MPP7: variants seen among roughly 807,000 people sequenced by gnomAD.
MPP7 encodes the protein MAGUK p55 subfamily member 7.
A neutral mutation model predicts 76.5 loss-of-function variants in MPP7; 60 were observed. The observed-to-expected ratio is 0.78, with a 90% confidence interval of 0.64 to 0.97. The LOEUF is 0.97. Among genes scored for constraint, MPP7 ranks in the 50% least tolerant of loss-of-function variants. The pLI is 0.00. For missense variants in MPP7, 641 were observed against 694.0 expected (o/e 0.92, Z 0.86); for synonymous variants, 237 against 244.5 (o/e 0.97, Z 0.29).
chr10:28,280,472 CA>C (rs1840636671), intron 1 of MPP7, among the ~76,000 whole-genome samples: 1 of 152,020 alleles, frequency 6.6e-6, no homozygotes, highest in African/African-American at 2.4e-5. Flanking sequence ...AAGAACCATT[CA>C]TTTTTTTGTT....
chr10:28,103,116 C>T (rs1457614138), intron 11 of MPP7, among the ~76,000 whole-genome samples: 1 of 149,152 alleles, frequency 6.7e-6, no homozygotes, highest in African/African-American at 2.5e-5. Flanking sequence ...GTCTCAGGGC[C>T]TTTGCACATG....
intron 1 of MPP7, among the ~76,000 whole-genome samples, chr10:28,245,366 T>G (rs1839399149): frequency 6.6e-6 from 1 of 152,170 alleles, no homozygotes; most frequent in Admixed American, 6.5e-5. Flanking sequence ...CCCACTAGAT[T>G]CCTTGAGAAT....
chr10:28,248,932 T>C (rs12355501), intron 1 of MPP7, among the ~76,000 whole-genome samples: 3,017 of 152,084 alleles, frequency 0.02, 34 homozygotes, highest in Non-Finnish European at 0.03. Flanking sequence ...TCTCAGAACG[T>C]CTCCCTGTCG....
intron 5 of MPP7, among the ~76,000 whole-genome samples, chr10:28,142,308 C>A (rs1210182651): frequency 1.3e-5 from 2 of 152,120 alleles, no homozygotes; most frequent in Non-Finnish European, 2.9e-5. Context: ...AGGAAAAACA[C>A]AAAATTTTTA....
chr10:28,060,049 C>A (rs202189243), intron 13 of MPP7, among the ~76,000 whole-genome samples: 10 of 139,428 alleles, frequency 7.2e-5, no homozygotes, highest in Non-Finnish European at 8.9e-5. Flanking sequence ...AGGAAAAAAA[C>A]CTTTTTTTTT....
intron 13 of MPP7, among the ~76,000 whole-genome samples, chr10:28,068,364 T>G (rs568413178): frequency 1.3e-5 from 2 of 152,220 alleles, no homozygotes; most frequent in East Asian, 3.9e-4. Context: ...TAAAATAAAG[T>G]TGAACTCTTC....
At chr10:28,150,139 A>T (rs907570439) in intron 3 of MPP7, 80 bp from the exon 4 acceptor site, 1 of 972,888 alleles carries the variant, frequency 1.0e-6, no homozygotes, top group Non-Finnish European at 1.6e-6. Flanking sequence ...ACTTGAAAAG[A>T]GAATCTGAAT....
At chr10:28,193,472 A>G (rs751318176) in intron 3 of MPP7, among the ~76,000 whole-genome samples, 3 of 152,050 alleles carry the variant, frequency 2.0e-5, no homozygotes, top group African/African-American at 4.8e-5. Context: ...CGGCCTCCCA[A>G]AGTGCCGGGA....
intron 1 of MPP7, among the ~76,000 whole-genome samples, chr10:28,262,254 T>TAC (rs1480515071): frequency 1.5e-4 from 8 of 53,240 alleles, no homozygotes; most frequent in Non-Finnish European, 5.8e-5. Flanking sequence ...CATATATATA[T>TAC]ATATGTATAT....
chr10:28,120,374 A>G lies in MPP7; in HGVS notation c.707T>C (p.Leu236Pro). Residue 236 changes from leucine (L) to proline (P), a missense_variant, in exon 10 of 17, where the codon CTC becomes CCC. Coordinates refer to ENST00000683449, the MANE Select transcript of MPP7 (RefSeq NM_001318170.2). Reference protein sequence around the residue: ...SKEGKMFIKALFDYNPNEDKA... With the variant: ...SKEGKMFIKAPFDYNPNEDKA... ...ATCCTCATTAGGATTATAGTCAAAG[A>G]GGGCTTTGATAAACATCTGGAAGAA... The G allele has an allele frequency of 6.2e-7, 1 of 1,609,340 alleles. No homozygotes were observed. The highest frequency in any genetic ancestry group is 1.7e-5 in the Admixed American group (1 of 58,886).
chr10:28,066,673 CTCT>C, intron 13 of MPP7, among the ~76,000 whole-genome samples: 1 of 152,306 alleles, frequency 6.6e-6, no homozygotes, highest in South Asian at 2.1e-4. Context: ...CCAGAATCAC[CTCT>C]TGAGTTCCTG....
At chr10:28,251,361 C>T (rs1333137548) in intron 1 of MPP7, among the ~76,000 whole-genome samples, 1 of 151,996 alleles carries the variant, frequency 6.6e-6, no homozygotes, top group African/African-American at 2.4e-5. Flanking sequence ...ACTCGGGAGG[C>T]TGAGGCAGGA....
chr10:28,278,920 T>TA (rs1198103237), intron 1 of MPP7, among the ~76,000 whole-genome samples: 1 of 151,260 alleles, frequency 6.6e-6, no homozygotes. Context: ...TTACCCAAAT[T>TA]AAAAAAAGAA....
At chr10:28,088,449 TCTCA>T (rs1452102422) in intron 12 of MPP7, among the ~76,000 whole-genome samples, 2 of 152,126 alleles carry the variant, frequency 1.3e-5, no homozygotes, top group East Asian at 3.9e-4. Context: ...CCCCTGTCGC[TCTCA>T]CTCTCTCTCT....
intron 2 of MPP7, among the ~76,000 whole-genome samples, chr10:28,214,828 C>A (rs1195744392): frequency 1.3e-5 from 2 of 152,150 alleles, no homozygotes; most frequent in Non-Finnish European, 2.9e-5. Flanking sequence ...CCTTGCAGTA[C>A]TAACAAATTA....
intron 11 of MPP7, chr10:28,118,448 T>G: frequency 1.0e-6 from 1 of 985,030 alleles, no homozygotes; most frequent in Non-Finnish European, 1.2e-6. Flanking sequence ...CACATTATCT[T>G]ATCCCACATA....
intron 2 of MPP7, among the ~76,000 whole-genome samples, chr10:28,218,330 A>C (rs1838382652): frequency 6.6e-6 from 1 of 152,204 alleles, no homozygotes; most frequent in African/African-American, 2.4e-5. Context: ...TTCAGATTAA[A>C]GGATCAATAT....
intron 1 of MPP7, among the ~76,000 whole-genome samples, chr10:28,259,081 G>T (rs1279166858): frequency 6.6e-6 from 1 of 151,174 alleles, no homozygotes; most frequent in Non-Finnish European, 1.5e-5. Context: ...CCTCCACCAG[G>T]TTTTTTTTTA....
At chr10:28,282,936 T>C (rs189116120) in intron 1 of MPP7, among the ~76,000 whole-genome samples, 3 of 152,088 alleles carry the variant, frequency 2.0e-5, no homozygotes, top group Admixed American at 2.0e-4. Context: ...TGGATAGGGG[T>C]AGGCATTAAA....
Sources: allele counts gnomAD v4.1 joint callset (sites outside exome capture counted in the v4.1 genomes callset), GRCh38; gene constraint gnomAD v4.1.1; transcripts MANE v1.5; gene names NCBI Gene and HGNC (gene_info 2026-07-23, HGNC 2026-07-21).